POU2F3: variants seen among roughly 807,000 people sequenced by gnomAD.
POU2F3 encodes the protein POU class 2 homeobox 3, also known as POU domain, class 2, transcription factor 3.
A neutral mutation model predicts 59.2 loss-of-function variants in POU2F3; 23 were observed. That is an observed-to-expected ratio of 0.39 (90% CI 0.28 to 0.55). POU2F3 has a LOEUF of 0.55. POU2F3 is among the 20% of genes least tolerant of loss of function. POU2F3 has a pLI of 0.66. For synonymous variants in POU2F3, 190 were observed against 214.6 expected, an observed-to-expected ratio of 0.89 and a Z score of 1.00; for missense variants, 473 against 544.5, an observed-to-expected ratio of 0.87 and a Z score of 1.31.
At chr11:120,299,201 G>A (rs1204692612) in intron 4 of POU2F3, among the ~76,000 whole-genome samples, 10 of 152,294 alleles carry the variant, frequency 6.6e-5, no homozygotes, top group Non-Finnish European at 1.2e-4. Context: ...GGAAACAGCC[G>A]AGGCATGGCT....
intron 1 of POU2F3, among the ~76,000 whole-genome samples, chr11:120,244,388 C>A (rs916525017): frequency 1.3e-5 from 2 of 152,186 alleles, no homozygotes; most frequent in East Asian, 1.9e-4. Flanking sequence ...GTGCCTGGAA[C>A]TCCTTTCCTG....
At chr11:120,308,863 C>T (rs1044360342) in intron 9 of POU2F3, among the ~76,000 whole-genome samples, 7 of 133,374 alleles carry the variant, frequency 5.2e-5, no homozygotes, top group African/African-American at 1.4e-4. Context: ...TGCTTGAACC[C>T]GGGAGGCGCA....
chr11:120,284,974 AT>A (rs1306355784), intron 3 of POU2F3, among the ~76,000 whole-genome samples: 1 of 152,170 alleles, frequency 6.6e-6, no homozygotes, highest in African/African-American at 2.4e-5. Flanking sequence ...CAGCGGTGAA[AT>A]TTTAAAAGGA....
intron 3 of POU2F3, among the ~76,000 whole-genome samples, chr11:120,269,986 T>C (rs1939993913): frequency 6.6e-6 from 1 of 151,792 alleles, no homozygotes; most frequent in Non-Finnish European, 1.5e-5. Flanking sequence ...GGAGAGTTTG[T>C]TGGGAGGAGA....
intron 1 of POU2F3, among the ~76,000 whole-genome samples, chr11:120,243,764 C>G (rs1938764960): frequency 6.6e-6 from 1 of 152,206 alleles, no homozygotes; most frequent in Non-Finnish European, 1.5e-5. Flanking sequence ...TTCTCAGTGT[C>G]TTAGCATCCT....
At chr11:120,269,344 G>T (rs1939966004) in intron 3 of POU2F3, 100 bp downstream of exon 3, 8 of 1,051,248 alleles carry the variant, frequency 7.6e-6, no homozygotes, top group East Asian at 7.4e-5. Flanking sequence ...CAGTTTGGGG[G>T]TGTTTATTCA....
chr11:120,236,713 G>T, upstream of POU2F3: 1 of 1,485,534 alleles, frequency 6.7e-7, no homozygotes, highest in Non-Finnish European at 9.1e-7. Context: ...AAGGGGTAAA[G>T]GAGTTCTCTA....
rs200735927 is a variant in POU2F3 at position 120,319,853 on chromosome 11, TA to T, written c.*1472del. On this transcript the variant is annotated 3_prime_UTR_variant, in exon 13 of 13. Transcript: ENST00000543440. ...TGAAGCCATTCCAGAAATGGTAACT[TA>T]AAAAAAAAAAGACTACATGTCTAGG... is the stretch of plus-strand genomic sequence containing the variant. 92 of 146,070 alleles carry T rather than the reference TA, an allele frequency of 6.3e-4. No individual in the cohort carries two copies. Among genetic ancestry groups the T allele is most frequent in the Middle Eastern group, 3.5e-3 (1 of 284 alleles). 9.0% of individuals were successfully genotyped at this position (146,070 alleles called of 1,614,324 possible). A position where few individuals can be genotyped will look rare whatever the true frequency, so the allele number is the denominator to read the frequency against.
At position 120,278,525 on chromosome 11, in the gene POU2F3, C is replaced by G. The variant is rs1207074714; in HGVS notation, c.132+9281C>G. Reference sequence around the variant, plus strand: ...AGAAATACAACACCAGGAAAAGGCGCCCCCAGAAAGAATGCATACAGCCTC... The same window carrying G: ...AGAAATACAACACCAGGAAAAGGCGGCCCCAGAAAGAATGCATACAGCCTC... On this transcript the variant is annotated intron_variant, in intron 3 of 12. Coordinates refer to ENST00000543440, the MANE Select transcript of POU2F3 (RefSeq NM_014352.4). Among the ~76,000 whole-genome samples the G allele has an allele frequency of 2.0e-5, 3 of 152,098 alleles. No individual in the cohort carries two copies. In the South Asian group the frequency reaches 6.2e-4, roughly 32 times the overall value.
chr11:120,240,286 G>C lies in POU2F3; in HGVS notation c.-58G>C. On this transcript the variant is annotated 5_prime_UTR_variant, in exon 1 of 13. Transcript: ENST00000543440. ...AGACCCTGGCTTCGCAGGGGCCCCG[G>C]CTGGGGCAGAGGCGAGGGGCCTGGG... is the stretch of plus-strand genomic sequence containing the variant. 1 of 1,283,514 alleles carries C rather than the reference G, an allele frequency of 7.8e-7. No homozygotes were observed. The allele number at this position is 1,283,514 out of a possible 1,614,324, so 79.5% of individuals were successfully genotyped here.
upstream of POU2F3, among the ~76,000 whole-genome samples, chr11:120,238,576 CAT>C (rs2135108337): frequency 6.6e-6 from 1 of 152,180 alleles, no homozygotes; most frequent in South Asian, 2.1e-4. Flanking sequence ...GTGGCTCACA[CAT>C]GTCATCCCAG....
Position 120,318,645 on chromosome 11 carries a change from C to T in POU2F3, c.*253C>T. ...GAGCTTACCATTTTCACCTTCCTTG[C>T]CTATGCCCTTGCCTTCTAGTTCCAA... On this transcript the variant is annotated 3_prime_UTR_variant, in exon 13 of 13. Coordinates refer to ENST00000543440, the MANE Select transcript of POU2F3 (RefSeq NM_014352.4). The T allele has an allele frequency of 2.3e-6, 1 of 436,118 alleles. No individual in the cohort carries two copies. Among genetic ancestry groups the T allele is most frequent in the Non-Finnish European group, 4.0e-6 (1 of 248,180 alleles). 27.0% of individuals were successfully genotyped at this position (436,118 alleles called of 1,614,324 possible). A position where few individuals can be genotyped will look rare whatever the true frequency, so the allele number is the denominator to read the frequency against.
chr11:120,240,418 G>A, intron 1 of POU2F3, 47 bp downstream of exon 1: 1 of 1,353,906 alleles, frequency 7.4e-7, no homozygotes, highest in Non-Finnish European at 9.6e-7. Flanking sequence ...CTGCGCGTGG[G>A]CAGGGGTGAA....
chr11:120,303,463 A>C (rs527804025), intron 6 of POU2F3: 10 of 152,414 alleles, frequency 6.6e-5, no homozygotes, highest in Non-Finnish European at 1.5e-4. Context: ...AGAGGGGATG[A>C]TTGAGGAGAT....
chr11:120,243,712 G>A (rs2847500), intron 1 of POU2F3, among the ~76,000 whole-genome samples: 26,119 of 152,086 alleles, frequency 0.17, 2,521 homozygotes, highest in African/African-American at 0.24. Flanking sequence ...CCAAAAGCTC[G>A]TCCCACCCAT....
intron 3 of POU2F3, among the ~76,000 whole-genome samples, chr11:120,289,680 C>G (rs1940952847): frequency 1.3e-5 from 2 of 152,190 alleles, no homozygotes; most frequent in African/African-American, 4.8e-5. Flanking sequence ...GCTTCTTCCA[C>G]TTCCGCTTCC....
At chr11:120,297,358 G>A (rs897372120) in intron 3 of POU2F3, among the ~76,000 whole-genome samples, 5 of 152,224 alleles carry the variant, frequency 3.3e-5, no homozygotes, top group African/African-American at 1.2e-4. Flanking sequence ...AGACTGGAGA[G>A]AGGTTGGAAA....
chr11:120,240,695 G>A (rs1938623365), intron 1 of POU2F3, among the ~76,000 whole-genome samples: 1 of 152,198 alleles, frequency 6.6e-6, no homozygotes, highest in Non-Finnish European at 1.5e-5. Flanking sequence ...TTGCAGGGAT[G>A]GGTGGTTCAC....
At chr11:120,305,570 G>A in intron 7 of POU2F3, 74 bp from the exon 8 acceptor site, 2 of 1,580,664 alleles carry the variant, frequency 1.3e-6, no homozygotes, top group South Asian at 1.2e-5. Context: ...TCGATGCTAG[G>A]ACCATGCAGG....
Sources: allele counts gnomAD v4.1 joint callset (sites outside exome capture counted in the v4.1 genomes callset), GRCh38; gene constraint gnomAD v4.1.1; transcripts MANE v1.5; gene names NCBI Gene and HGNC (gene_info 2026-07-23, HGNC 2026-07-21).